Variants in ZNF487 observed in about 807,000 individuals in gnomAD.
ZNF487 encodes the protein zinc finger protein 487.
In ZNF487, 4 loss-of-function variants were observed where a neutral mutation model predicts 3.0. The ratio of observed to expected loss-of-function variants is 1.35; its 90% confidence interval spans 0.66 to 3.08. ZNF487 has a LOEUF of 3.08. Among genes scored for constraint, ZNF487 ranks in the 30% most tolerant of loss-of-function variants. ZNF487 has a pLI of 0.01. For missense variants in ZNF487, 146 were observed against 98.7 expected (o/e 1.48, Z -2.03); for synonymous variants, 55 against 34.6 (o/e 1.59, Z -2.06).
intron 1 of ZNF487, among the ~76,000 whole-genome samples, chr10:43,448,481 C>T (rs1483623188): frequency 6.6e-6 from 1 of 151,924 alleles, no homozygotes; most frequent in Non-Finnish European, 1.5e-5. Context: ...TGGGTTTGAC[C>T]TGTGTGGGTC....
At position 43,437,117 on chromosome 10, in the gene ZNF487, C is replaced by T. The variant is rs1445112459; in HGVS notation, c.-239C>T. 1.3e-5 allele frequency: 4 copies of T among 302,458 alleles called. No homozygotes were observed. In the East Asian group the frequency reaches 6.0e-4, roughly 45 times the overall value. 18.7% of individuals were successfully genotyped at this position (302,458 alleles called of 1,614,324 possible). A position where few individuals can be genotyped will look rare whatever the true frequency, so the allele number is the denominator to read the frequency against. On this transcript the variant is annotated 5_prime_UTR_variant, in exon 1 of 4. Transcript: ENST00000437590. The stretch of plus-strand genomic sequence containing the variant: ...CCCCTCGGCGGCCCCGCCCAGGGAG[C>T]GCTGCGGCAGTTTCCATGGTGAGAT...
chr10:43,477,332 C>T (rs1278660066), intron 3 of ZNF487, among the ~76,000 whole-genome samples: 4 of 151,660 alleles, frequency 2.6e-5, no homozygotes, highest in African/African-American at 4.8e-5. Flanking sequence ...GTAGTTGGGA[C>T]CATAGGTGTG....
chr10:43,504,721 T>C, the ZNF487 span, among the ~76,000 whole-genome samples: 1 of 68,414 alleles, frequency 1.5e-5, no homozygotes, highest in African/African-American at 3.4e-5. Context: ...GTTGTTGTTG[T>C]TGTTTTTTTT....
chr10:43,450,104 C>T (rs766823528), intron 1 of ZNF487, among the ~76,000 whole-genome samples: 3 of 151,440 alleles, frequency 2.0e-5, no homozygotes, highest in Non-Finnish European at 4.4e-5. Flanking sequence ...AGTGCAATGG[C>T]ACGTTCTTGG....
At chr10:43,455,992 G>T (rs1016132476) in intron 1 of ZNF487, among the ~76,000 whole-genome samples, 3 of 152,230 alleles carry the variant, frequency 2.0e-5, no homozygotes, top group Admixed American at 6.5e-5. Flanking sequence ...GTCCAGCGTT[G>T]CATGGTTACA....
intron 1 of ZNF487, among the ~76,000 whole-genome samples, chr10:43,448,024 C>T (rs372412449): frequency 2.5e-5 from 3 of 122,116 alleles, no homozygotes; most frequent in East Asian, 5.3e-4. Context: ...GAGTCTCACT[C>T]TGTCGCCCAG....
the ZNF487 span, among the ~76,000 whole-genome samples, chr10:43,504,897 G>A: frequency 8.6e-5 from 13 of 151,792 alleles, no homozygotes; most frequent in Admixed American, 2.6e-4. Flanking sequence ...AGTAGAGACC[G>A]GGTTTCACAT....
chr10:43,460,171 A>G (rs1840377722), intron 1 of ZNF487, among the ~76,000 whole-genome samples: 1 of 151,920 alleles, frequency 6.6e-6, no homozygotes, highest in South Asian at 2.1e-4. Flanking sequence ...AGATGATTAT[A>G]TTGTTTTATT....
At chr10:43,500,868 A>G in the ZNF487 span, among the ~76,000 whole-genome samples, 2 of 152,180 alleles carry the variant, frequency 1.3e-5, no homozygotes, top group East Asian at 3.8e-4. Flanking sequence ...AAGGAAACAT[A>G]AATATGGAGA....
At chr10:43,469,159 G>A (rs1840816076) in intron 1 of ZNF487, among the ~76,000 whole-genome samples, 1 of 152,004 alleles carries the variant, frequency 6.6e-6, no homozygotes, top group Non-Finnish European at 1.5e-5. Context: ...AAAAGATTAT[G>A]ATTCACTATA....
intron 1 of ZNF487, among the ~76,000 whole-genome samples, chr10:43,445,724 C>T (rs943713876): frequency 3.3e-5 from 5 of 150,716 alleles, no homozygotes; most frequent in South Asian, 2.1e-4. Flanking sequence ...GGTGTTTCTC[C>T]GAGGGGGGAT....
chr10:43,476,457 G>T (rs1841104264), intron 3 of ZNF487, among the ~76,000 whole-genome samples: 2 of 152,018 alleles, frequency 1.3e-5, no homozygotes, highest in Admixed American at 1.3e-4. Flanking sequence ...TCAAATGAAT[G>T]TCATTTGACT....
the ZNF487 span, among the ~76,000 whole-genome samples, chr10:43,494,512 C>A: frequency 6.6e-6 from 1 of 152,130 alleles, no homozygotes; most frequent in South Asian, 2.1e-4. Context: ...CTCCACTCTT[C>A]TTAAAATCAC....
chr10:43,493,881 A>C, the ZNF487 span, among the ~76,000 whole-genome samples: 158 of 151,116 alleles, frequency 1.0e-3, no homozygotes, highest in Non-Finnish European at 1.5e-3. Flanking sequence ...AAAAGCTAAA[A>C]TAGGCCAGGC....
chr10:43,457,780 T>C (rs12356570), intron 1 of ZNF487, among the ~76,000 whole-genome samples: 26,698 of 151,732 alleles, frequency 0.18, 2,537 homozygotes, highest in Non-Finnish European at 0.2. Flanking sequence ...CCCAGCACTT[T>C]GGGAGGCCGA....
At chr10:43,517,315 TC>T in the ZNF487 span, among the ~76,000 whole-genome samples, 1 of 152,262 alleles carries the variant, frequency 6.6e-6, no homozygotes, top group Non-Finnish European at 1.5e-5. Context: ...CTCTTTGAGA[TC>T]TAGAGGTGAC....
chr10:43,503,815 C>CCAG, the ZNF487 span, among the ~76,000 whole-genome samples: 2 of 152,124 alleles, frequency 1.3e-5, no homozygotes, highest in Non-Finnish European at 2.9e-5. Context: ...ACCATGTTGC[C>CCAG]CAGGCTGGTC....
chr10:43,477,815 G>C (rs1318931206), intron 3 of ZNF487, among the ~76,000 whole-genome samples: 3 of 151,974 alleles, frequency 2.0e-5, no homozygotes, highest in Admixed American at 2.0e-4. Context: ...AGCCGGGTGT[G>C]GTGGCGGATG....
intron 1 of ZNF487, among the ~76,000 whole-genome samples, chr10:43,451,009 G>T (rs529121763): frequency 1.3e-5 from 2 of 151,980 alleles, no homozygotes; most frequent in East Asian, 3.9e-4. Context: ...GTGCAATGGC[G>T]CGATCTTGGC....
Sources: gnomAD v4.1 joint callset for allele counts (sites outside exome capture counted in the v4.1 genomes callset) on GRCh38, gnomAD v4.1.1 for gene constraint, MANE v1.5 for transcripts, NCBI Gene and HGNC (gene_info 2026-07-23, HGNC 2026-07-21) for gene names.